The following GSAP variants were observed in gnomAD, a reference collection of about 807,000 sequenced individuals.
The protein encoded by GSAP is gamma-secretase activating protein, also known as gamma-secretase-activating protein.
GSAP carries 118 observed loss-of-function variants against 131.7 expected under a neutral mutation model. That is an observed-to-expected ratio of 0.90 (90% CI 0.77 to 1.04). The LOEUF (loss-of-function observed/expected upper bound fraction) is 1.04, where lower values mean the gene tolerates loss of function less well. GSAP is among the 50% of genes least tolerant of loss of function. GSAP has a pLI of 0.00. For missense variants in GSAP, 1,019 were observed against 1,013.2 expected, an observed-to-expected ratio of 1.01 and a Z score of -0.08; for synonymous variants, 381 against 363.4, an observed-to-expected ratio of 1.05 and a Z score of -0.55.
chr7:77,376,910 A>G lies in GSAP; in HGVS notation c.682-3T>C, dbSNP rs183444239. The G allele has an allele frequency of 1.3e-4, 182 of 1,423,590 alleles. 1 individual carries two copies. In the African/African-American group the frequency reaches 2.4e-3, roughly 19 times the overall value. The allele number at this position is 1,423,590 out of a possible 1,614,324, so 88.2% of individuals were successfully genotyped here. A position where few individuals can be genotyped will look rare whatever the true frequency, so the allele number is the denominator to read the frequency against. ...CATTTTAAGATACTCCTTGATTTCT[A>G]AAAGAGAAAACAGAATGGCATATTA... On this transcript the variant is annotated splice_polypyrimidine_tract_variant and splice_region_variant and intron_variant, in intron 9 of 30. Transcript: ENST00000257626.
At chr7:77,350,635 C>T (rs1792719001) in intron 18 of GSAP, among the ~76,000 whole-genome samples, 1 of 150,864 alleles carries the variant, frequency 6.6e-6, no homozygotes, top group Admixed American at 6.6e-5. Context: ...TCCAGCTACT[C>T]AGGAGGCTGA....
At chr7:77,377,258 A>AAAAAAAAT in intron 9 of GSAP, 28 bp downstream of exon 9, 10 of 1,400,694 alleles carry the variant, frequency 7.1e-6, no homozygotes, top group Non-Finnish European at 8.5e-6. Context: ...AAAAAAAAAA[A>AAAAAAAAT]GGAGTGCCCG....
At chr7:77,375,723 A>G (rs1444359835) in intron 10 of GSAP, among the ~76,000 whole-genome samples, 3 of 152,106 alleles carry the variant, frequency 2.0e-5, no homozygotes, top group Non-Finnish European at 4.4e-5. Context: ...AGGTGCCTGT[A>G]ATCCCAGCTA....
Position 77,321,319 on chromosome 7 carries a change from A to G in GSAP, c.1994+14T>C, listed in dbSNP as rs745882482. 3.9e-6 allele frequency: 6 copies of G among 1,521,620 alleles called. No individual in the cohort carries two copies. The highest frequency in any genetic ancestry group is 5.5e-6 in the Non-Finnish European group (6 of 1,095,704). 94.3% of individuals were successfully genotyped at this position (1,521,620 alleles called of 1,614,324 possible). A position where few individuals can be genotyped will look rare whatever the true frequency, so the allele number is the denominator to read the frequency against. ...CTTTGTACACCATGATAAAAGTGAGAAATACTTGCGTACAAGTGGAGAACC... is the reference window on the plus strand; with the variant it reads ...CTTTGTACACCATGATAAAAGTGAGGAATACTTGCGTACAAGTGGAGAACC... On this transcript the variant is annotated intron_variant, in intron 25 of 30. Transcript: ENST00000257626.
chr7:77,391,712 A>G (rs1799577575), intron 5 of GSAP, among the ~76,000 whole-genome samples: 2 of 152,074 alleles, frequency 1.3e-5, no homozygotes, highest in Non-Finnish European at 2.9e-5. Context: ...GTGTGTGCCT[A>G]TAGTCCCAGT....
intron 6 of GSAP, 133 bp downstream of exon 6, chr7:77,387,227 C>G (rs1798707032): frequency 4.2e-6 from 2 of 478,998 alleles, no homozygotes; most frequent in East Asian, 6.6e-5. Flanking sequence ...GCGGATACTT[C>G]CAGCCATAGT....
At chr7:77,366,492 G>T (rs1162887566) in intron 12 of GSAP, among the ~76,000 whole-genome samples, 7 of 152,128 alleles carry the variant, frequency 4.6e-5, no homozygotes, top group Non-Finnish European at 1.0e-4. Context: ...TGAGTAGGGA[G>T]TCTTTTCCCC....
rs1162987339 is a variant in GSAP, at chr7:77,328,593, G to C, written c.1765+13C>G. 6.2e-7 allele frequency: 1 copy of C among 1,610,162 alleles called. No homozygotes were observed. Among genetic ancestry groups the C allele is most frequent in the Admixed American group, 1.7e-5 (1 of 58,956 alleles). ...CTGGAACCCAGAAGGCTTTATTACA[G>C]ATCTTTTCTTACCCAAATTTCTTGC... On this transcript the variant is annotated intron_variant, in intron 22 of 30. Coordinates refer to ENST00000257626, the MANE Select transcript of GSAP (RefSeq NM_017439.4).
intron 3 of GSAP, among the ~76,000 whole-genome samples, chr7:77,397,973 A>C (rs1455087374): frequency 6.6e-6 from 1 of 152,140 alleles, no homozygotes; most frequent in African/African-American, 2.4e-5. Context: ...GGGAAGGTAG[A>C]CTTCTTTAAT....
At chr7:77,356,828 C>T (rs1410529092) in intron 14 of GSAP, among the ~76,000 whole-genome samples, 1 of 152,192 alleles carries the variant, frequency 6.6e-6, no homozygotes, top group Non-Finnish European at 1.5e-5. Flanking sequence ...AGTGAAGGAA[C>T]ACATGCTAAT....
rs112297229 is a variant in GSAP at position 77,382,617 on chromosome 7, A to T, written c.483T>A (p.His161Gln). 7.3e-5 allele frequency: 114 copies of T among 1,563,036 alleles called. 1 individual carries two copies. In the African/African-American group the frequency reaches 1.4e-3, roughly 19 times the overall value. The change falls in exon 7 of 31, where the codon CAT (histidine) becomes CAA (glutamine). Residue 161 changes from histidine to glutamine, a missense_variant. Physicochemically the swap from His to Gln is conservative, Grantham distance 24. Coordinates refer to ENST00000257626, the MANE Select transcript of GSAP (RefSeq NM_017439.4). ...VQFLYPHIESHPLPENHLLLI... is the reference protein window; with the variant it reads ...VQFLYPHIESQPLPENHLLLI... ...GTAACAGATGGTTCTCTGGAAGAGG[A>T]TGACTTTCAATATGTGGGTAGAGAA...
intron 19 of GSAP, among the ~76,000 whole-genome samples, chr7:77,337,470 C>T (rs1790205632): frequency 2.0e-5 from 3 of 152,164 alleles, no homozygotes; most frequent in Non-Finnish European, 2.9e-5. Context: ...CCACCGCACC[C>T]AGCCTACAAC....
In GSAP at chr7:77,362,618, C is replaced by G; in HGVS notation, c.914G>C (p.Gly305Ala). Reference sequence around the variant, plus strand: ...GTAAAACACTGAATATGTGATTTGTCCCCAAGAGGCACACTTCGGGCTGTA... The same window carrying G: ...GTAAAACACTGAATATGTGATTTGTGCCCAAGAGGCACACTTCGGGCTGTA... ...VCYSPKCASW[G>A]QITYSVFYIH... Residue 305 changes from glycine (G) to alanine (A), a missense_variant, in exon 13 of 31, where the codon GGA becomes GCA. Physicochemically the swap from Gly to Ala is moderately conservative, Grantham distance 60. Coordinates refer to ENST00000257626, the MANE Select transcript of GSAP (RefSeq NM_017439.4). 1 of 1,582,668 alleles carries G rather than the reference C, an allele frequency of 6.3e-7. No individual in the cohort carries two copies. Among genetic ancestry groups the G allele is most frequent in the Non-Finnish European group, 8.7e-7 (1 of 1,152,390 alleles).
chr7:77,411,226 T>C (rs573105722), intron 1 of GSAP, among the ~76,000 whole-genome samples: 110 of 151,398 alleles, frequency 7.3e-4, no homozygotes, highest in Non-Finnish European at 1.5e-3. Flanking sequence ...CTTGGTAAAA[T>C]ATACCACTTC....
chr7:77,312,540 A>G (rs1208473234), intron 28 of GSAP, among the ~76,000 whole-genome samples: 2 of 152,240 alleles, frequency 1.3e-5, no homozygotes, highest in Non-Finnish European at 2.9e-5. Context: ...ACGCATGTTT[A>G]TATCAACTTC....
chr7:77,331,245 G>A lies in GSAP; in HGVS notation c.1546-878C>T, dbSNP rs552323983. Among the ~76,000 whole-genome samples the A allele has an allele frequency of 8.5e-5, 13 of 152,312 alleles. 1 individual carries two copies. The South Asian group carries it at 2.1e-3, about 24-fold the overall frequency. On this transcript the variant is annotated intron_variant, in intron 19 of 30. Transcript: ENST00000257626. ...GAACCCAGGAAGTGGAGCTAGCAGTGAGCTGAGATCATGCCACTGCACTCC... is the reference window on the plus strand; with the variant it reads ...GAACCCAGGAAGTGGAGCTAGCAGTAAGCTGAGATCATGCCACTGCACTCC...
intron 17 of GSAP, 49 bp downstream of exon 17, chr7:77,353,523 G>C: frequency 8.0e-7 from 1 of 1,251,376 alleles, no homozygotes; most frequent in Non-Finnish European, 1.2e-6. Context: ...TTTCCCTCAA[G>C]CAAAAAGGTC....
intron 30 of GSAP, 180 bp from the exon 31 acceptor site, chr7:77,311,629 TTTAAACCTC>T: frequency 1.7e-6 from 1 of 591,910 alleles, no homozygotes; most frequent in Middle Eastern, 3.2e-4. Flanking sequence ...CCAAATGGGC[TTTAAACCTC>T]TTGACTCTTT....
chr7:77,355,109 T>A, intron 16 of GSAP, 104 bp downstream of exon 16: 2 of 731,860 alleles, frequency 2.7e-6, no homozygotes, highest in Non-Finnish European at 4.5e-6. Context: ...ACACCTCAAT[T>A]AATTGTTACT....
Sources: gnomAD v4.1 joint callset for allele counts (sites outside exome capture counted in the v4.1 genomes callset) on GRCh38, gnomAD v4.1.1 for gene constraint, MANE v1.5 for transcripts, NCBI Gene and HGNC (gene_info 2026-07-23, HGNC 2026-07-21) for gene names.